The following SLC39A8 variants were observed in gnomAD, a reference collection of about 807,000 sequenced individuals.
The protein encoded by SLC39A8 is metal cation symporter ZIP8.
SLC39A8 carries 15 observed loss-of-function variants against 40.4 expected under a neutral mutation model. The observed-to-expected ratio is 0.37, with a 90% CI of 0.25 to 0.57. SLC39A8 has a LOEUF of 0.57. SLC39A8 is among the 20% of genes least tolerant of loss of function. The pLI, the probability that SLC39A8 is intolerant of heterozygous loss-of-function variation, is 0.75. For missense variants in SLC39A8, 472 were observed against 558.8 expected, an observed-to-expected ratio of 0.84 and a Z score of 1.57; for synonymous variants, 223 against 221.6, an observed-to-expected ratio of 1.01 and a Z score of -0.06.
intron 3 of SLC39A8, among the ~76,000 whole-genome samples, chr4:102,310,221 G>A (rs970851039): frequency 3.3e-5 from 5 of 152,044 alleles, no homozygotes; most frequent in Admixed American, 1.3e-4. Flanking sequence ...AAAGTCATAC[G>A]TGGCCTTCCA....
intron 2 of SLC39A8, among the ~76,000 whole-genome samples, chr4:102,320,790 AT>A (rs201923794): frequency 0.03 from 4,205 of 141,620 alleles, 123 homozygotes; most frequent in Non-Finnish European, 0.037. Context: ...ATGAGAAAAA[AT>A]ATATATATAT....
intron 3 of SLC39A8, among the ~76,000 whole-genome samples, chr4:102,309,433 C>A (rs1001822952): frequency 3.9e-5 from 6 of 152,076 alleles, no homozygotes; most frequent in Non-Finnish European, 7.4e-5. Context: ...CAGCCCACTT[C>A]ATTCCCATTT....
chr4:102,309,957 C>T (rs746322106), intron 3 of SLC39A8, among the ~76,000 whole-genome samples: 2 of 152,054 alleles, frequency 1.3e-5, no homozygotes, highest in Non-Finnish European at 2.9e-5. Context: ...TCTTATATAA[C>T]ATGACAGTTA....
At chr4:102,325,944 C>G (rs1327284709) in intron 2 of SLC39A8, among the ~76,000 whole-genome samples, 1 of 152,116 alleles carries the variant, frequency 6.6e-6, no homozygotes, top group African/African-American at 2.4e-5. Flanking sequence ...CAGCCCTACC[C>G]CATTCCATAT....
intron 3 of SLC39A8, among the ~76,000 whole-genome samples, chr4:102,312,362 T>C (rs1734469905): frequency 6.6e-6 from 1 of 152,084 alleles, no homozygotes; most frequent in Admixed American, 6.6e-5. Flanking sequence ...GTTATCTGTC[T>C]GAATATTTGG....
At chr4:102,327,191 G>T (rs140375017) in intron 2 of SLC39A8, among the ~76,000 whole-genome samples, 1 of 152,194 alleles carries the variant, frequency 6.6e-6, no homozygotes, top group African/African-American at 2.4e-5. Context: ...AGCCCAGGAG[G>T]TCAAGGCTGC....
At chr4:102,266,968 C>T (rs1732131841) in intron 8 of SLC39A8, among the ~76,000 whole-genome samples, 1 of 152,136 alleles carries the variant, frequency 6.6e-6, no homozygotes, top group Non-Finnish European at 1.5e-5. Context: ...AGACATTGAA[C>T]AGATATAAAT....
chr4:102,300,841 T>C (rs916937680), intron 6 of SLC39A8, among the ~76,000 whole-genome samples: 29 of 152,078 alleles, frequency 1.9e-4, no homozygotes, highest in African/African-American at 6.7e-4. Context: ...TCACTTATAT[T>C]GTAATACTTA....
chr4:102,275,252 G>A (rs1732562824), intron 6 of SLC39A8, among the ~76,000 whole-genome samples: 1 of 151,340 alleles, frequency 6.6e-6, no homozygotes, highest in South Asian at 2.1e-4. Context: ...AAGGGATGGA[G>A]GAATATTTAC....
chr4:102,311,008 T>C (rs1734403052), intron 3 of SLC39A8, among the ~76,000 whole-genome samples: 1 of 152,120 alleles, frequency 6.6e-6, no homozygotes, highest in South Asian at 2.1e-4. Context: ...TGAGGAAATA[T>C]GGTTCTATTA....
Position 102,284,463 on chromosome 4 carries a change from G to C in SLC39A8, c.841-16384C>G, listed in dbSNP as rs574794287. Among the ~76,000 whole-genome samples the C allele has an allele frequency of 2.0e-5, 3 of 152,204 alleles. No individual in the cohort carries two copies. In the South Asian group the frequency reaches 6.2e-4, roughly 32 times the overall value. ...ATTTCTAAGGTGTAGAGCAGAGCTT[G>C]GCACTTGGCAGGTGATCACTGAATA... On this transcript the variant is annotated intron_variant, in intron 6 of 8. Transcript: ENST00000356736.
At chr4:102,303,059 A>G (rs1297760784) in intron 6 of SLC39A8, among the ~76,000 whole-genome samples, 2 of 151,954 alleles carry the variant, frequency 1.3e-5, no homozygotes, top group Non-Finnish European at 2.9e-5. Context: ...TATTTGCCAT[A>G]ATAATCTCTT....
downstream of SLC39A8, among the ~76,000 whole-genome samples, chr4:102,259,923 T>C (rs960403450): frequency 1.3e-5 from 2 of 152,202 alleles, no homozygotes; most frequent in Admixed American, 6.5e-5. Flanking sequence ...TCAAAGTCCA[T>C]AGAAAAGAGT....
intron 2 of SLC39A8, among the ~76,000 whole-genome samples, chr4:102,320,424 A>G (rs193116540): frequency 0.014 from 938 of 65,930 alleles, 14 homozygotes; most frequent in East Asian, 0.026. Flanking sequence ...ATATATGAGA[A>G]TATATATATA....
At chr4:102,293,749 T>G (rs924224119) in intron 6 of SLC39A8, among the ~76,000 whole-genome samples, 2 of 151,956 alleles carry the variant, frequency 1.3e-5, no homozygotes, top group African/African-American at 2.4e-5. Flanking sequence ...AGTTAATCTC[T>G]AAATTCAATG....
chr4:102,339,884 T>C (rs1735832269), intron 2 of SLC39A8, among the ~76,000 whole-genome samples: 1 of 152,212 alleles, frequency 6.6e-6, no homozygotes. Flanking sequence ...CATTGGTTTT[T>C]AAACACATTT....
Position 102,262,148 on chromosome 4 carries a change from C to A in SLC39A8, c.*896G>T, listed in dbSNP as rs534767495. The A allele has an allele frequency of 9.7e-5, 96 of 985,610 alleles. No homozygotes were observed. The highest frequency in any genetic ancestry group is 1.2e-4 in the Non-Finnish European group (96 of 829,734). The allele number at this position is 985,610 out of a possible 1,614,324, so 61.1% of individuals were successfully genotyped here. On this transcript the variant is annotated 3_prime_UTR_variant, in exon 9 of 9. Coordinates refer to ENST00000356736, the MANE Select transcript of SLC39A8 (RefSeq NM_001135146.2). ...GTTGTTTTGCATTTATTAAAATATT[C>A]TCTGCTAAATAGTTATGTTTGTCTT... is the stretch of plus-strand genomic sequence containing the variant.
chr4:102,315,617 C>T, intron 3 of SLC39A8, 51 bp downstream of exon 3: 2 of 1,488,068 alleles, frequency 1.3e-6, no homozygotes, highest in South Asian at 2.9e-5. Context: ...CTTCATTTCA[C>T]AATGGTTCAT....
At chr4:102,337,966 T>A (rs939273843) in intron 2 of SLC39A8, among the ~76,000 whole-genome samples, 1 of 152,134 alleles carries the variant, frequency 6.6e-6, no homozygotes, top group Non-Finnish European at 1.5e-5. Context: ...ATAAATTTTT[T>A]AAAAACCAAA....
Sources: gnomAD v4.1 joint callset for allele counts (sites outside exome capture counted in the v4.1 genomes callset) on GRCh38, gnomAD v4.1.1 for gene constraint, MANE v1.5 for transcripts, NCBI Gene and HGNC (gene_info 2026-07-23, HGNC 2026-07-21) for gene names.